Variants in CSMD1 observed in about 807,000 individuals in gnomAD.
CSMD1 encodes the protein CUB and Sushi multiple domains 1.
Under a neutral mutation model 417.5 loss-of-function variants are expected in CSMD1, and 213 were observed. That is an observed-to-expected ratio of 0.51 (90% confidence interval 0.46 to 0.57). CSMD1 has a LOEUF of 0.57. Ranked by LOEUF, CSMD1 falls within the 20% of genes least tolerant of loss-of-function variation. The probability of loss-of-function intolerance (pLI) is 0.00; values close to 1 mark genes in which losing one functional copy is unlikely to be tolerated. For synonymous variants in CSMD1, 2,862 were observed against 1,736.8 expected (o/e 1.65, Z -16.11); for missense variants, 6,923 against 4,529.7 (o/e 1.53, Z -15.17).
chr8:3,585,282 A>G (rs1263452666), intron 9 of CSMD1, among the ~76,000 whole-genome samples: 1 of 152,208 alleles, frequency 6.6e-6, no homozygotes, highest in Non-Finnish European at 1.5e-5. Flanking sequence ...TAAAATGCTT[A>G]AAAGTTTAAA....
intron 2 of CSMD1, among the ~76,000 whole-genome samples, chr8:4,446,592 C>G (rs1798803883): frequency 6.6e-6 from 1 of 152,130 alleles, no homozygotes; most frequent in African/African-American, 2.4e-5. Flanking sequence ...CTCATTCTGT[C>G]ACCCAGGCTG....
At chr8:3,516,665 T>C (rs909189112) in intron 10 of CSMD1, among the ~76,000 whole-genome samples, 12 of 152,196 alleles carry the variant, frequency 7.9e-5, no homozygotes, top group East Asian at 1.9e-4. Context: ...CTATAATGTA[T>C]TGGGGTACAG....
At chr8:4,461,162 C>CCAGATA (rs3056539) in intron 2 of CSMD1, among the ~76,000 whole-genome samples, 134,140 of 151,268 alleles carry the variant, frequency 0.89, 59,638 homozygotes, top group Middle Eastern at 0.97. Context: ...GATTGTCTTA[C>CCAGATA]CAGATAAAAA....
intron 6 of CSMD1, among the ~76,000 whole-genome samples, chr8:3,738,690 C>T (rs1278166312): frequency 1.3e-5 from 2 of 152,184 alleles, no homozygotes; most frequent in Non-Finnish European, 2.9e-5. Flanking sequence ...ACTGAATGCA[C>T]ACAGACACAT....
rs139689452 is a variant in CSMD1 at position 4,157,557 on chromosome 8, T to C, written c.416-125458A>G. On this transcript the variant is annotated intron_variant, in intron 3 of 69. Coordinates refer to ENST00000635120, the MANE Select transcript of CSMD1 (RefSeq NM_033225.6). ...CTACCTCTAGTCAATGACTGTGTTG[T>C]CATTCCCCCGTATTGCTAAGACCCT... is the stretch of plus-strand genomic sequence containing the variant. Among the ~76,000 whole-genome samples the C allele has an allele frequency of 2.2e-3, 332 of 152,290 alleles. 2 individuals are homozygous for C. Among genetic ancestry groups the C allele is most frequent in the African/African-American group, 7.4e-3 (306 of 41,564 alleles).
At chr8:3,040,802 C>G (rs1585208796) in intron 50 of CSMD1, among the ~76,000 whole-genome samples, 1 of 150,786 alleles carries the variant, frequency 6.6e-6, no homozygotes, top group African/African-American at 2.5e-5. Flanking sequence ...GACTCCAGCT[C>G]AAAATAATAA....
rs1296241367 is a variant in CSMD1, at chr8:3,616,581, TTTAGAG to T, written c.1097+123_1097+128del. 4.6e-6 allele frequency: 3 copies of T among 647,634 alleles called. No homozygotes were observed. In the African/African-American group the frequency reaches 5.5e-5, roughly 12 times the overall value. The allele number at this position is 647,634 out of a possible 1,614,324, so 40.1% of individuals were successfully genotyped here. On this transcript the variant is annotated intron_variant, in intron 8 of 69. Transcript: ENST00000635120. Reference sequence around the variant, plus strand: ...TGAAGACAAATTGTGATTACACACATTTAGAGTTAATGATTAAGAAGTTTTATCTTT... The same window carrying T: ...TGAAGACAAATTGTGATTACACACATTTAATGATTAAGAAGTTTTATCTTT...
intron 3 of CSMD1, among the ~76,000 whole-genome samples, chr8:4,197,092 G>A (rs1053858103): frequency 6.6e-6 from 1 of 152,114 alleles, no homozygotes; most frequent in East Asian, 1.9e-4. Flanking sequence ...GAAACATCAA[G>A]ATGAAGACAA....
chr8:4,209,581 C>T (rs1440794276), intron 3 of CSMD1, among the ~76,000 whole-genome samples: 2 of 152,286 alleles, frequency 1.3e-5, no homozygotes, highest in African/African-American at 2.4e-5. Context: ...TGTCCACCTG[C>T]CTTTCCTTTT....
At chr8:4,893,842 T>A (rs940506269) in intron 1 of CSMD1, among the ~76,000 whole-genome samples, 1 of 152,172 alleles carries the variant, frequency 6.6e-6, no homozygotes, top group African/African-American at 2.4e-5. Context: ...GTGAGTAGCA[T>A]ACAGTTGTTC....
Position 3,691,512 on chromosome 8 carries a change from G to A in CSMD1, c.1009+16902C>T, listed in dbSNP as rs183138769. Among the ~76,000 whole-genome samples, 659 of 152,270 alleles carry A rather than the reference G, an allele frequency of 4.3e-3. 20 individuals carry two copies. The highest frequency in any genetic ancestry group is 0.041 in the Admixed American group (624 of 15,294). ...TTCACTGCAAGGCATCTAGAAACTTGGCCTAGCCAAGGAGGAAGCTCAGGA... is the reference window on the plus strand; with the variant it reads ...TTCACTGCAAGGCATCTAGAAACTTAGCCTAGCCAAGGAGGAAGCTCAGGA... On this transcript the variant is annotated intron_variant, in intron 7 of 69. Transcript: ENST00000635120.
intron 1 of CSMD1, among the ~76,000 whole-genome samples, chr8:4,916,460 G>C (rs1269850927): frequency 6.6e-6 from 1 of 152,236 alleles, no homozygotes; most frequent in Non-Finnish European, 1.5e-5. Context: ...TGTCAGGGAA[G>C]ATGGTTTTGT....
At chr8:3,194,799 G>C (rs1796613562) in intron 33 of CSMD1, among the ~76,000 whole-genome samples, 1 of 151,874 alleles carries the variant, frequency 6.6e-6, no homozygotes, top group African/African-American at 2.4e-5. Flanking sequence ...GAATGCTAAA[G>C]AGACTGAGTC....
chr8:3,449,154 G>C lies in CSMD1; in HGVS notation c.1561+19558C>G, dbSNP rs557722050. ...TGTAATACACTTAATCTTTGAGTTT[G>C]CGTCTTGAAATTAGTTGGTGGGGGG... On this transcript the variant is annotated intron_variant, in intron 12 of 69. Coordinates refer to ENST00000635120, the MANE Select transcript of CSMD1 (RefSeq NM_033225.6). 3.9e-5 allele frequency among the ~76,000 whole-genome samples: 6 copies of C among 152,288 alleles called. No homozygotes were observed. The Middle Eastern group carries it at 0.01, about 259-fold the overall frequency.
At chr8:4,131,002 G>C (rs1050419629) in intron 3 of CSMD1, among the ~76,000 whole-genome samples, 1 of 152,046 alleles carries the variant, frequency 6.6e-6, no homozygotes, top group African/African-American at 2.4e-5. Flanking sequence ...CCCTGCTGTT[G>C]GAATCTAGCA....
rs200411565 is a variant in CSMD1, at chr8:3,812,129, T to G, written c.819-58087A>C. Among the ~76,000 whole-genome samples the G allele has an allele frequency of 3.3e-5, 5 of 152,220 alleles. No individual in the cohort carries two copies. The East Asian group carries it at 9.6e-4, about 29-fold the overall frequency. On this transcript the variant is annotated intron_variant, in intron 5 of 69. Transcript: ENST00000635120. ...TAATTTCCTTAAACGGGTGTCCATA[T>G]TTGTATTCATATTCACATGACAATT...
chr8:3,310,324 G>C (rs974247295), intron 23 of CSMD1, among the ~76,000 whole-genome samples: 1 of 146,598 alleles, frequency 6.8e-6, no homozygotes, highest in Non-Finnish European at 1.5e-5. Context: ...CTTTACTGTT[G>C]TTATTGTTGT....
chr8:3,449,539 T>C (rs1186266012), intron 12 of CSMD1, among the ~76,000 whole-genome samples: 1 of 151,802 alleles, frequency 6.6e-6, no homozygotes, highest in African/African-American at 2.4e-5. Context: ...TTTTTTAAGA[T>C]GGAGTTTCTC....
intron 5 of CSMD1, among the ~76,000 whole-genome samples, chr8:3,918,454 T>A (rs1168567295): frequency 6.6e-6 from 1 of 152,194 alleles, no homozygotes; most frequent in East Asian, 1.9e-4. Context: ...ATTATATTGA[T>A]CACCTTTTTA....
Sources: gnomAD v4.1 joint callset for allele counts (sites outside exome capture counted in the v4.1 genomes callset) on GRCh38, gnomAD v4.1.1 for gene constraint, MANE v1.5 for transcripts, NCBI Gene and HGNC (gene_info 2026-07-23, HGNC 2026-07-21) for gene names.